The following F5 variants were observed in gnomAD, a reference collection of about 807,000 sequenced individuals.
F5 encodes the protein activated protein c cofactor.
A neutral mutation model predicts 216.4 loss-of-function variants in F5; 138 were observed. The ratio of observed to expected loss-of-function variants is 0.64; its 90% CI spans 0.56 to 0.73. The LOEUF is 0.73. F5 is among the 30% of genes least tolerant of loss of function. The pLI, the probability that F5 is intolerant of heterozygous loss-of-function variation, is 0.00. For missense variants in F5, 2,403 were observed against 2,674.0 expected (o/e 0.90, Z 2.24); for synonymous variants, 916 against 930.7 (o/e 0.98, Z 0.29).
chr1:169,546,323 T>G, intron 11 of F5, 119 bp downstream of exon 11: 4 of 1,208,548 alleles, frequency 3.3e-6, no homozygotes, highest in Non-Finnish European at 3.6e-6. Context: ...GGACTGGAAG[T>G]GAGGATTGGA....
At position 169,514,424 on chromosome 1, in the gene F5, C is replaced by T. The variant is rs1438898768; in HGVS notation, c.6564G>A (p.Val2188=). The T allele has an allele frequency of 1.2e-6, 2 of 1,613,112 alleles. No individual in the cohort carries two copies. Among genetic ancestry groups the T allele is most frequent in the Non-Finnish European group, 1.7e-6 (2 of 1,179,526 alleles). Reference sequence around the variant, plus strand: ...TGATTGGGGGGTTGAAAAAGTTCTTCACATGTCCTTTGGTATTAGTATTTC... The same window carrying T: ...TGATTGGGGGGTTGAAAAAGTTCTTTACATGTCCTTTGGTATTAGTATTTC... ...FEGNTNTKGH[V]KNFFNPPIIS... Residue 2188 remains valine (V), a synonymous_variant, in exon 25 of 25, where the codon GTG becomes GTA. Coordinates refer to ENST00000367797, the MANE Select transcript of F5 (RefSeq NM_000130.5).
At chr1:169,564,945 G>A (rs563271479) in intron 3 of F5, among the ~76,000 whole-genome samples, 6 of 152,042 alleles carry the variant, frequency 3.9e-5, no homozygotes, top group African/African-American at 4.8e-5. Context: ...AGTCCTTAAC[G>A]TGGACCACAA....
chr1:169,583,669 A>G (rs1661037715), intron 1 of F5, among the ~76,000 whole-genome samples: 3 of 152,244 alleles, frequency 2.0e-5, no homozygotes, highest in African/African-American at 7.2e-5. Flanking sequence ...TAGTAATATT[A>G]TTTTGTAAAT....
chr1:169,531,663 G>A (rs1659598389), intron 14 of F5, among the ~76,000 whole-genome samples: 1 of 152,116 alleles, frequency 6.6e-6, no homozygotes, highest in Non-Finnish European at 1.5e-5. Context: ...AATGCACAGG[G>A]ACAGGTGGAA....
intron 14 of F5, among the ~76,000 whole-genome samples, chr1:169,534,646 C>T (rs906378643): frequency 6.1e-5 from 9 of 147,372 alleles, no homozygotes; most frequent in African/African-American, 2.0e-4. Context: ...CCAGCCTGGG[C>T]GACAGAGTGA....
chr1:169,554,302 T>C (rs1300826356), intron 7 of F5, among the ~76,000 whole-genome samples: 3 of 152,156 alleles, frequency 2.0e-5, no homozygotes, highest in Non-Finnish European at 4.4e-5. Context: ...CAGCTATGTA[T>C]ACACGCTATA....
chr1:169,515,612 C>T lies in F5; in HGVS notation c.6360G>A (p.Lys2120=), dbSNP rs757104503. The part of the protein sequence containing the change: ...NAWQAKANNN[K]QWLEIDLLKI... Reference sequence around the variant, plus strand: ...TGAGTAGATCAATTTCTAGCCACTGCTTATTGTTGTTTGCCTATGAAAATG... The same window carrying T: ...TGAGTAGATCAATTTCTAGCCACTGTTTATTGTTGTTTGCCTATGAAAATG... The change falls in exon 24 of 25, where the codon AAG becomes AAA. Residue 2120 remains lysine (K), a synonymous_variant. Coordinates refer to ENST00000367797, the MANE Select transcript of F5 (RefSeq NM_000130.5). 5.0e-6 allele frequency: 8 copies of T among 1,612,606 alleles called. No individual in the cohort carries two copies. In the East Asian group the frequency reaches 1.8e-4, roughly 36 times the overall value.
intron 13 of F5, among the ~76,000 whole-genome samples, chr1:169,539,496 A>G (rs1261548093): frequency 6.6e-6 from 1 of 152,024 alleles, no homozygotes; most frequent in South Asian, 2.1e-4. Context: ...TGAGTGCAAC[A>G]TTTAAATAGG....
chr1:169,552,557 T>C lies in F5; in HGVS notation c.1296A>G (p.Lys432=). ...ATGATTCTGTATTTGTGTTACTTACTTTGAGTGTGTCTCTGACCTGGGCTC... is the reference window on the plus strand; with the variant it reads ...ATGATTCTGTATTTGTGTTACTTACCTTGAGTGTGTCTCTGACCTGGGCTC... ...IIRAQVRDTL[K]IVFKNMASRP... Residue 432 remains lysine (K), a splice_region_variant and synonymous_variant, in exon 8 of 25, where the codon AAA becomes AAG. Transcript: ENST00000367797. The C allele has an allele frequency of 6.2e-7, 1 of 1,612,590 alleles. No individual in the cohort carries two copies. Among genetic ancestry groups the C allele is most frequent in the Non-Finnish European group, 8.5e-7 (1 of 1,178,778 alleles).
chr1:169,559,030 C>T, intron 5 of F5, 123 bp downstream of exon 5: 6 of 987,478 alleles, frequency 6.1e-6, no homozygotes, highest in African/African-American at 3.3e-5. Context: ...AAAATATTTC[C>T]TTCTTGATAG....
At chr1:169,560,414 A>G in intron 4 of F5, 140 bp downstream of exon 4, 1 of 763,888 alleles carries the variant, frequency 1.3e-6, no homozygotes, top group Non-Finnish European at 2.2e-6. Context: ...CTCTTGTCAA[A>G]CAATGATCTG....
intron 1 of F5, 131 bp downstream of exon 1, chr1:169,586,098 C>G: frequency 2.0e-6 from 2 of 977,426 alleles, no homozygotes; most frequent in Non-Finnish European, 3.1e-6. Flanking sequence ...TCAGTATACT[C>G]TCCTATTAGT....
At chr1:169,517,425 T>C (rs929663069) in intron 23 of F5, among the ~76,000 whole-genome samples, 2 of 152,158 alleles carry the variant, frequency 1.3e-5, no homozygotes, top group South Asian at 4.1e-4. Flanking sequence ...ACAATTCTTT[T>C]TTCCTTTCTA....
chr1:169,536,355 T>G, intron 14 of F5, 151 bp downstream of exon 14: 1 of 657,722 alleles, frequency 1.5e-6, no homozygotes, highest in Non-Finnish European at 2.7e-6. Context: ...CCAAATTGCT[T>G]GGCAAGGAGT....
chr1:169,519,834 T>C (rs368184352), intron 22 of F5, among the ~76,000 whole-genome samples: 14 of 152,332 alleles, frequency 9.2e-5, no homozygotes, highest in African/African-American at 3.4e-4. Flanking sequence ...ATTTTCTTTG[T>C]GTGCTTTGAA....
intron 12 of F5, 78 bp from the exon 13 acceptor site, chr1:169,543,192 G>A: frequency 7.3e-7 from 1 of 1,368,804 alleles, no homozygotes; most frequent in Non-Finnish European, 1.0e-6. Flanking sequence ...CATTGTGGCA[G>A]GTAATTTCTA....
At chr1:169,553,402 G>C (rs1660221693) in intron 7 of F5, among the ~76,000 whole-genome samples, 1 of 152,182 alleles carries the variant, frequency 6.6e-6, no homozygotes, top group Non-Finnish European at 1.5e-5. Context: ...GTTCATGAGA[G>C]AAATGCAAAT....
chr1:169,554,082 T>C lies in F5; in HGVS notation c.1118+1100A>G, dbSNP rs537001350. Among the ~76,000 whole-genome samples, 680 of 87,398 alleles carry C rather than the reference T, an allele frequency of 7.8e-3. 5 individuals are homozygous for C. Among genetic ancestry groups the C allele is most frequent in the African/African-American group, 0.025 (645 of 26,088 alleles). The allele number at this position is 87,398 out of a possible 152,430, so 57.3% of individuals were successfully genotyped here. A position where few individuals can be genotyped will look rare whatever the true frequency, so the allele number is the denominator to read the frequency against. ...TTTTTTGTTCTTTTTCCTAGTTTAA[T>C]TGTTTTTAATAGAAAATACATTCAC... On this transcript the variant is annotated intron_variant, in intron 7 of 24. Coordinates refer to ENST00000367797, the MANE Select transcript of F5 (RefSeq NM_000130.5).
In F5 at chr1:169,521,144, A is replaced by G. The variant is rs9332700; in HGVS notation, c.6049-480T>C. ...GAGATATGATAGAAAACTGGTGGAC[A>G]CTGACTTCTGTCCTTTAGTCAAACA... On this transcript the variant is annotated intron_variant, in intron 21 of 24. Transcript: ENST00000367797. Among the ~76,000 whole-genome samples, 1,034 of 152,306 alleles carry G rather than the reference A, an allele frequency of 6.8e-3. 7 individuals carry two copies. The highest frequency in any genetic ancestry group is 0.011 in the Non-Finnish European group (740 of 68,020).
Sources: allele counts gnomAD v4.1 joint callset (sites outside exome capture counted in the v4.1 genomes callset), GRCh38; gene constraint gnomAD v4.1.1; transcripts MANE v1.5; gene names NCBI Gene and HGNC (gene_info 2026-07-23, HGNC 2026-07-21).